FHIT: variants seen among roughly 807,000 people sequenced by gnomAD.
The protein encoded by FHIT is fragile histidine triad diadenosine triphosphatase.
FHIT carries 19 observed loss-of-function variants against 17.9 expected under a neutral mutation model. That is an observed-to-expected ratio of 1.06 (90% CI 0.74 to 1.56). The LOEUF (loss-of-function observed/expected upper bound fraction) is 1.56, where lower values mean the gene tolerates loss of function less well. Ranked by LOEUF, FHIT falls within the 40% of genes most tolerant of loss-of-function variation. FHIT has a pLI of 0.00. For missense variants in FHIT, 248 were observed against 189.2 expected, an observed-to-expected ratio of 1.31 and a Z score of -1.82; for synonymous variants, 81 against 69.7, an observed-to-expected ratio of 1.16 and a Z score of -0.81.
intron 5 of FHIT, among the ~76,000 whole-genome samples, chr3:60,519,809 A>C (rs1290099586): frequency 6.6e-6 from 1 of 152,166 alleles, no homozygotes. Context: ...TGTTAGTCCC[A>C]TGGTACTATT....
At chr3:59,813,881 A>G (rs1273595440) in intron 8 of FHIT, among the ~76,000 whole-genome samples, 1 of 152,088 alleles carries the variant, frequency 6.6e-6, no homozygotes, top group Admixed American at 6.6e-5. Context: ...GAGGTACAAG[A>G]GTTAATGGTG....
chr3:60,361,549 T>G (rs976672256), intron 5 of FHIT, among the ~76,000 whole-genome samples: 3 of 152,202 alleles, frequency 2.0e-5, no homozygotes, highest in African/African-American at 7.2e-5. Flanking sequence ...GGATGGATTC[T>G]TCATAGAAGA....
intron 5 of FHIT, among the ~76,000 whole-genome samples, chr3:60,187,332 T>C (rs1702199276): frequency 6.6e-6 from 1 of 152,112 alleles, no homozygotes; most frequent in Non-Finnish European, 1.5e-5. Context: ...TAATACAGAA[T>C]TGAAGTGGAT....
intron 7 of FHIT, among the ~76,000 whole-genome samples, chr3:59,947,210 G>C (rs1029495238): frequency 2.6e-5 from 4 of 152,110 alleles, no homozygotes; most frequent in Non-Finnish European, 4.4e-5. Context: ...GTCTGTCCAG[G>C]GTTTCCGTTT....
intron 4 of FHIT, among the ~76,000 whole-genome samples, chr3:60,714,518 T>C (rs2041628227): frequency 6.6e-6 from 1 of 152,196 alleles, no homozygotes; most frequent in African/African-American, 2.4e-5. Context: ...ATGACATGAT[T>C]GTATATCTAG....
At chr3:61,041,423 G>T (rs2033509264) in intron 3 of FHIT, among the ~76,000 whole-genome samples, 1 of 151,442 alleles carries the variant, frequency 6.6e-6, no homozygotes, top group African/African-American at 2.4e-5. Context: ...CACCTCCTAA[G>T]AAATGGAGAT....
chr3:60,770,189 T>C (rs530354832), intron 4 of FHIT, among the ~76,000 whole-genome samples: 2 of 152,196 alleles, frequency 1.3e-5, no homozygotes, highest in Admixed American at 1.3e-4. Context: ...CTGGATAGAA[T>C]TACTGATGGA....
At chr3:60,081,022 T>C (rs1465952633) in intron 5 of FHIT, among the ~76,000 whole-genome samples, 2 of 151,994 alleles carry the variant, frequency 1.3e-5, no homozygotes, top group Middle Eastern at 3.2e-3. Context: ...ACATGACATG[T>C]AATGAAAGGA....
chr3:59,955,677 A>T (rs1707357031), intron 7 of FHIT, among the ~76,000 whole-genome samples: 1 of 152,212 alleles, frequency 6.6e-6, no homozygotes, highest in African/African-American at 2.4e-5. Context: ...ACCTGCTTAA[A>T]TGGTATTGAT....
At chr3:60,181,404 C>A (rs1479625062) in intron 5 of FHIT, among the ~76,000 whole-genome samples, 2 of 152,126 alleles carry the variant, frequency 1.3e-5, no homozygotes, top group African/African-American at 4.8e-5. Flanking sequence ...CCTCGGCCTC[C>A]CAAAGTGCTG....
At chr3:60,260,373 A>G (rs910367468) in intron 5 of FHIT, among the ~76,000 whole-genome samples, 3 of 151,936 alleles carry the variant, frequency 2.0e-5, no homozygotes, top group Non-Finnish European at 2.9e-5. Flanking sequence ...AAAAGAAAAA[A>G]ATAGTGTCAG....
rs548299538 is a variant in FHIT, at chr3:61,183,888, C to A, written c.-164+16729G>T. ...GCATTAATGGGCAAAGCATCATGGG[C>A]AACTGTTGTTCATAAATGCTCCTTC... is the stretch of plus-strand genomic sequence containing the variant. On this transcript the variant is annotated intron_variant, in intron 2 of 9. Transcript: ENST00000492590. 3.5e-4 allele frequency among the ~76,000 whole-genome samples: 53 copies of A among 152,014 alleles called. No individual in the cohort carries two copies. The South Asian group carries it at 0.01, about 30-fold the overall frequency.
chr3:59,978,849 G>C (rs1468193353), intron 7 of FHIT, among the ~76,000 whole-genome samples: 1 of 151,764 alleles, frequency 6.6e-6, no homozygotes, highest in Non-Finnish European at 1.5e-5. Context: ...CTGGATATTT[G>C]TGAGACTATA....
At chr3:60,292,745 C>T (rs1708043391) in intron 5 of FHIT, among the ~76,000 whole-genome samples, 1 of 151,974 alleles carries the variant, frequency 6.6e-6, no homozygotes, top group South Asian at 2.1e-4. Context: ...TATCAGAAAA[C>T]ATCAAGAAAA....
intron 5 of FHIT, among the ~76,000 whole-genome samples, chr3:60,480,847 A>G (rs775800256): frequency 2.0e-5 from 3 of 152,148 alleles, no homozygotes; most frequent in Non-Finnish European, 4.4e-5. Flanking sequence ...TGGCTTTTCC[A>G]GGTGCACAGT....
At position 60,013,997 on chromosome 3, in the gene FHIT, G is replaced by A. The variant is rs200937087; in HGVS notation, c.249+10C>T. 21 of 1,613,306 alleles carry A rather than the reference G, an allele frequency of 1.3e-5. No individual in the cohort carries two copies. The Admixed American group carries it at 3.2e-4, about 24-fold the overall frequency. The stretch of plus-strand genomic sequence containing the variant: ...AAGAAAAATCATTTCTGAGAAATCT[G>A]TACACTCACCTGCATGGAAAAGGTG... On this transcript the variant is annotated intron_variant, in intron 6 of 9. Coordinates refer to ENST00000492590, the MANE Select transcript of FHIT (RefSeq NM_002012.4).
chr3:60,519,543 T>C (rs1391745681), intron 5 of FHIT, among the ~76,000 whole-genome samples: 1 of 152,096 alleles, frequency 6.6e-6, no homozygotes, highest in Non-Finnish European at 1.5e-5. Flanking sequence ...AACAAATATT[T>C]TGTTTATGTA....
intron 5 of FHIT, among the ~76,000 whole-genome samples, chr3:60,051,325 G>GCTT (rs1701868285): frequency 1.0e-5 from 1 of 97,062 alleles, no homozygotes; most frequent in Non-Finnish European, 2.4e-5. Flanking sequence ...AATTTAGGAT[G>GCTT]CTTTTTTTTT....
At chr3:59,767,572 C>T (rs1016418722) in intron 8 of FHIT, among the ~76,000 whole-genome samples, 2 of 152,006 alleles carry the variant, frequency 1.3e-5, no homozygotes, top group Non-Finnish European at 2.9e-5. Context: ...AATTTTTGCT[C>T]CCGGAAAGTG....
Sources: gnomAD v4.1 joint callset for allele counts (sites outside exome capture counted in the v4.1 genomes callset) on GRCh38, gnomAD v4.1.1 for gene constraint, MANE v1.5 for transcripts, NCBI Gene and HGNC (gene_info 2026-07-23, HGNC 2026-07-21) for gene names.